The following RIPK2 variants were observed in gnomAD, a reference collection of about 807,000 sequenced individuals.
The protein encoded by RIPK2 is receptor-interacting serine/threonine-protein kinase 2.
Under a neutral mutation model 60.9 loss-of-function variants are expected in RIPK2, and 38 were observed. That is an observed-to-expected ratio of 0.62 (90% CI 0.48 to 0.82). RIPK2 has a LOEUF of 0.82. Among genes scored for constraint, RIPK2 ranks in the 40% least tolerant of loss-of-function variants. The probability of loss-of-function intolerance (pLI) is 0.00; values close to 1 mark genes in which losing one functional copy is unlikely to be tolerated. For synonymous variants in RIPK2, 225 were observed against 223.4 expected, an observed-to-expected ratio of 1.01 and a Z score of -0.06; for missense variants, 518 against 647.0, an observed-to-expected ratio of 0.80 and a Z score of 2.16.
At chr8:89,784,272 G>C (rs1809549517) in intron 8 of RIPK2, 133 bp downstream of exon 8, 2 of 546,884 alleles carry the variant, frequency 3.7e-6, no homozygotes, top group East Asian at 3.0e-5. Context: ...GGATTTGTTT[G>C]GTAGCTCATG....
intron 3 of RIPK2, among the ~76,000 whole-genome samples, chr8:89,767,844 C>A (rs574375271): frequency 1.3e-5 from 2 of 151,914 alleles, no homozygotes; most frequent in South Asian, 4.1e-4. Context: ...GTCTCCCAAA[C>A]CCTCACGTAC....
rs775535224 is a variant in RIPK2 at position 89,771,800 on chromosome 8, G to C, written c.691+10G>C. The C allele has an allele frequency of 6.3e-7, 1 of 1,585,348 alleles. No homozygotes were observed. The highest frequency in any genetic ancestry group is 1.1e-5 in the South Asian group (1 of 90,002). Reference sequence around the variant, plus strand: ...AAACAGCCTTTTGAAGGTAAGTATGGTTTGACTTTTTTATGCTCAATAACA... The same window carrying C: ...AAACAGCCTTTTGAAGGTAAGTATGCTTTGACTTTTTTATGCTCAATAACA... On this transcript the variant is annotated intron_variant, in intron 5 of 10. Transcript: ENST00000220751.
At chr8:89,789,169 T>C (rs1809633726) in intron 9 of RIPK2, 152 bp from the exon 10 acceptor site, 1 of 595,536 alleles carries the variant, frequency 1.7e-6, no homozygotes, top group African/African-American at 1.9e-5. Flanking sequence ...AAGAAATATC[T>C]ACTTGCAGAA....
chr8:89,783,540 G>A (rs10097279), intron 7 of RIPK2, among the ~76,000 whole-genome samples: 28,110 of 152,000 alleles, frequency 0.18, 3,815 homozygotes, highest in African/African-American at 0.39. Context: ...TTGGCTCCAT[G>A]GCCCTGCCAT....
Position 89,772,820 on chromosome 8 carries a change from C to A in RIPK2, c.845C>A (p.Ser282Tyr). 6.2e-7 allele frequency: 1 copy of A among 1,603,176 alleles called. No homozygotes were observed. The highest frequency in any genetic ancestry group is 8.5e-7 in the Non-Finnish European group (1 of 1,174,098). Reference sequence around the variant, plus strand: ...GCACAAAATCCAGATGAAAGACCATCTTTCTTAAGTGAGTATATAGTTTTA... The same window carrying A: ...GCACAAAATCCAGATGAAAGACCATATTTCTTAAGTGAGTATATAGTTTTA... The part of the protein sequence containing the change: ...GWAQNPDERP[S>Y]FLKCLIELEP... The change falls in exon 6 of 11, where the codon TCT becomes TAT. Residue 282 changes from serine (S) to tyrosine (Y), a missense_variant. Around this residue, in one of 3 missense-constraint regions of RIPK2, gnomAD observed 448 missense variants for 534.7 expected, o/e 0.84. Transcript: ENST00000220751.
In RIPK2 at chr8:89,762,994, A is replaced by AC; in HGVS notation, c.327+13dup. On this transcript the variant is annotated intron_variant, in intron 2 of 10. Transcript: ENST00000220751. ...AACTCCTACATAGGGTAAGTATTACACAGTTTTAGTGGCCATAATTGCCAT... is the reference window on the plus strand; with the variant it reads ...AACTCCTACATAGGGTAAGTATTACACCAGTTTTAGTGGCCATAATTGCCAT... The AC allele has an allele frequency of 1.4e-6, 2 of 1,396,532 alleles. No homozygotes were observed. Among genetic ancestry groups the AC allele is most frequent in the South Asian group, 1.9e-5 (1 of 52,064 alleles). 86.5% of individuals were successfully genotyped at this position (1,396,532 alleles called of 1,614,324 possible).
In RIPK2 at chr8:89,769,993, A is replaced by G. The variant is rs1809287954; in HGVS notation, c.641+64A>G. ...TCAGACACAAAATTAGTCAACCAGA[A>G]TTTTGAAGCTACATTTTAAACTGTG... On this transcript the variant is annotated intron_variant, in intron 4 of 10. Transcript: ENST00000220751. 2.3e-6 allele frequency: 3 copies of G among 1,281,352 alleles called. No individual in the cohort carries two copies. The African/African-American group carries it at 4.7e-5, about 20-fold the overall frequency. 79.4% of individuals were successfully genotyped at this position (1,281,352 alleles called of 1,614,324 possible). A position where few individuals can be genotyped will look rare whatever the true frequency, so the allele number is the denominator to read the frequency against.
intron 6 of RIPK2, among the ~76,000 whole-genome samples, 153 bp downstream of exon 6, chr8:89,772,981 A>T (rs1809339446): frequency 6.6e-6 from 1 of 152,186 alleles, no homozygotes. Context: ...ATATATGAGT[A>T]ACTCCTTCTA....
chr8:89,778,761 T>C (rs1356392448), intron 6 of RIPK2, among the ~76,000 whole-genome samples: 1 of 152,232 alleles, frequency 6.6e-6, no homozygotes, highest in Non-Finnish European at 1.5e-5. Flanking sequence ...CTGTGAATAA[T>C]GCTGCTATGA....
intron 9 of RIPK2, among the ~76,000 whole-genome samples, chr8:89,788,472 G>A (rs1215363678): frequency 6.6e-6 from 1 of 152,016 alleles, no homozygotes; most frequent in Non-Finnish European, 1.5e-5. Flanking sequence ...GAGGGCTTTT[G>A]AAAATATAAC....
chr8:89,789,447 CAAT>C lies in RIPK2; in HGVS notation c.1256_1258del (p.Ile419del). On this transcript the variant is annotated inframe_deletion, in exon 10 of 11. Coordinates refer to ENST00000220751, the MANE Select transcript of RIPK2 (RefSeq NM_003821.6). ...CACAAGACCACTCCATGCTCTTCAG[CAAT>C]AATAAATCCACTCTCAACTGCAGGA... 6.2e-7 allele frequency: 1 copy of C among 1,613,846 alleles called. No homozygotes were observed. Among genetic ancestry groups the C allele is most frequent in the Non-Finnish European group, 8.5e-7 (1 of 1,179,910 alleles).
rs1250233743 is a variant in RIPK2, at chr8:89,786,658, A to G, written c.1095A>G (p.Pro365=). 1.9e-6 allele frequency: 3 copies of G among 1,591,572 alleles called. No homozygotes were observed. The highest frequency in any genetic ancestry group is 2.6e-6 in the Non-Finnish European group (3 of 1,163,298). ...SGSPETSRSL[P]APQDNDFLSR... The stretch of plus-strand genomic sequence containing the variant: ...CTCCTGAAACTTCAAGGTCCCTGCC[A>G]GCTCCTCAAGACAATGATTTTTTAT... The change falls in exon 9 of 11, where the codon CCA becomes CCG. Residue 365 remains proline, a synonymous_variant. Coordinates refer to ENST00000220751, the MANE Select transcript of RIPK2 (RefSeq NM_003821.6).
chr8:89,774,654 A>G (rs1809368353), intron 6 of RIPK2, among the ~76,000 whole-genome samples: 1 of 152,214 alleles, frequency 6.6e-6, no homozygotes, highest in Non-Finnish European at 1.5e-5. Context: ...TGCTACTACT[A>G]CAACAATACA....
chr8:89,768,144 A>G (rs570723481), intron 3 of RIPK2, among the ~76,000 whole-genome samples: 1 of 151,638 alleles, frequency 6.6e-6, no homozygotes, highest in African/African-American at 2.4e-5. Flanking sequence ...CTTAGTGTCA[A>G]CAAAAAACCC....
chr8:89,775,040 TAGAA>T (rs1004928000), intron 6 of RIPK2, among the ~76,000 whole-genome samples: 1 of 151,942 alleles, frequency 6.6e-6, no homozygotes, highest in African/African-American at 2.4e-5. Context: ...TTAAAAAAAA[TAGAA>T]AGAAGTGAAG....
chr8:89,775,774 C>T (rs1475226149), intron 6 of RIPK2, among the ~76,000 whole-genome samples: 1 of 152,044 alleles, frequency 6.6e-6, no homozygotes, highest in African/African-American at 2.4e-5. Context: ...TCTATTTTCT[C>T]AGTGTAGTAT....
intron 3 of RIPK2, among the ~76,000 whole-genome samples, chr8:89,767,118 T>C (rs1196809467): frequency 1.3e-5 from 2 of 151,796 alleles, no homozygotes; most frequent in African/African-American, 2.4e-5. Flanking sequence ...CTGTAAGTTT[T>C]ATAGTTTTAT....
rs201245184 is a variant in RIPK2 at position 89,758,006 on chromosome 8, T to G, written c.-55T>G. ...GGCGCCTGAGCGCGGCGTGGGAGCCTTGGGAGCCGCCGCAGCAGGGGGCAC... is the reference window on the plus strand; with the variant it reads ...GGCGCCTGAGCGCGGCGTGGGAGCCGTGGGAGCCGCCGCAGCAGGGGGCAC... On this transcript the variant is annotated 5_prime_UTR_variant, in exon 1 of 11. Transcript: ENST00000220751. The G allele has an allele frequency of 1.8e-3, 2,642 of 1,486,084 alleles. 71 individuals carry two copies. In the South Asian group the frequency reaches 0.033, roughly 19 times the overall value. The allele number at this position is 1,486,084 out of a possible 1,614,324, so 92.1% of individuals were successfully genotyped here. A position where few individuals can be genotyped will look rare whatever the true frequency, so the allele number is the denominator to read the frequency against.
intron 3 of RIPK2, among the ~76,000 whole-genome samples, chr8:89,766,368 A>G (rs1223000617): frequency 1.3e-5 from 2 of 151,778 alleles, no homozygotes; most frequent in Non-Finnish European, 3.0e-5. Context: ...ATGCTGGGTC[A>G]TATGGTAAGG....
Sources: gnomAD v4.1 joint callset for allele counts (sites outside exome capture counted in the v4.1 genomes callset) on GRCh38, gnomAD v4.1.1 for gene constraint, gnomAD v4.1.1 regional missense constraint, MANE v1.5 for transcripts, NCBI Gene and HGNC (gene_info 2026-07-23, HGNC 2026-07-21) for gene names.